Variants in OPCML observed in about 807,000 individuals in gnomAD.
The protein encoded by OPCML is opioid-binding protein/cell adhesion molecule.
OPCML carries 13 observed loss-of-function variants against 37.8 expected under a neutral mutation model. That is an observed-to-expected ratio of 0.34 (90% CI 0.22 to 0.55). The LOEUF is 0.55. OPCML is among the 20% of genes least tolerant of loss of function. The pLI is 0.91. For synonymous variants in OPCML, 176 were observed against 168.8 expected (o/e 1.04, Z -0.33); for missense variants, 341 against 435.6 (o/e 0.78, Z 1.93).
At position 133,091,489 on chromosome 11, in the gene OPCML, G is replaced by A. The variant is rs116441198; in HGVS notation, c.62-148479C>T. 2.7e-3 allele frequency among the ~76,000 whole-genome samples: 410 copies of A among 152,348 alleles called. 2 individuals carry two copies. The highest frequency in any genetic ancestry group is 9.3e-3 in the African/African-American group (385 of 41,584). ...AGTGTGGGCTATCCCCAGCAAAGCC[G>A]TGGAGGTGAGGCTTCCTGAGGCCAT... On this transcript the variant is annotated intron_variant, in intron 1 of 7. Transcript: ENST00000524381.
intron 2 of OPCML, among the ~76,000 whole-genome samples, chr11:132,729,765 G>C (rs866707902): frequency 6.6e-6 from 1 of 152,120 alleles, no homozygotes; most frequent in Non-Finnish European, 1.5e-5. Context: ...ACATCAGACC[G>C]CCTTTGTTGG....
In OPCML at chr11:132,415,921, C is replaced by A. The variant is rs924911636; in HGVS notation, c.*4272G>T. ...TCATTAGGCGTTCTCATCATATGGT[C>A]TCTTTTTGAAAATGTTGCCTTCCTA... On this transcript the variant is annotated 3_prime_UTR_variant, in exon 8 of 8. Transcript: ENST00000524381. The A allele has an allele frequency of 6.6e-6, 1 of 152,588 alleles. No individual in the cohort carries two copies. Among genetic ancestry groups the A allele is most frequent in the African/African-American group, 2.4e-5 (1 of 41,440 alleles). The allele number at this position is 152,588 out of a possible 1,614,324, so 9.5% of individuals were successfully genotyped here.
chr11:133,207,579 G>A (rs1268332008), intron 1 of OPCML, among the ~76,000 whole-genome samples: 5 of 152,166 alleles, frequency 3.3e-5, no homozygotes, highest in African/African-American at 7.2e-5. Flanking sequence ...TGAAACGGCG[G>A]CGGTTGGGCT....
At chr11:133,432,653 A>G (rs1367375636) in intron 1 of OPCML, among the ~76,000 whole-genome samples, 1 of 152,166 alleles carries the variant, frequency 6.6e-6, no homozygotes, top group Non-Finnish European at 1.5e-5. Context: ...TGGAACTTCA[A>G]TTAGGCATAT....
chr11:133,384,685 G>A (rs1225059706), intron 1 of OPCML, among the ~76,000 whole-genome samples: 1 of 152,198 alleles, frequency 6.6e-6, no homozygotes, highest in Non-Finnish European at 1.5e-5. Flanking sequence ...TCCTGCCACT[G>A]ACAGGCTGAG....
chr11:133,153,459 C>T (rs907782217), intron 1 of OPCML, among the ~76,000 whole-genome samples: 3 of 152,170 alleles, frequency 2.0e-5, no homozygotes, highest in Admixed American at 6.5e-5. Context: ...CACGGGAGGA[C>T]GGCTCTCAGA....
chr11:132,862,744 T>C (rs1942361093), intron 2 of OPCML, among the ~76,000 whole-genome samples: 1 of 152,152 alleles, frequency 6.6e-6, no homozygotes, highest in South Asian at 2.1e-4. Flanking sequence ...GCGCTAGCCT[T>C]CCCTTGCCTC....
At chr11:133,476,950 G>C (rs1272960398) in intron 1 of OPCML, among the ~76,000 whole-genome samples, 1 of 152,124 alleles carries the variant, frequency 6.6e-6, no homozygotes, top group African/African-American at 2.4e-5. Context: ...TCAGGCACTA[G>C]ACTGGGTGTG....
At chr11:133,475,212 T>G (rs183619194) in intron 1 of OPCML, among the ~76,000 whole-genome samples, 7,378 of 130,244 alleles carry the variant, frequency 0.057, 431 homozygotes, top group African/African-American at 0.22. Context: ...GTTTTTGTGG[T>G]TTTTTTTTGT....
At chr11:132,904,809 C>T (rs963398999) in intron 2 of OPCML, among the ~76,000 whole-genome samples, 5 of 152,200 alleles carry the variant, frequency 3.3e-5, no homozygotes, top group African/African-American at 7.2e-5. Flanking sequence ...GTAATTAGAG[C>T]TGTGTGTGGA....
At chr11:132,675,251 GAATT>G in intron 2 of OPCML, among the ~76,000 whole-genome samples, 1 of 150,606 alleles carries the variant, frequency 6.6e-6, no homozygotes, top group South Asian at 2.1e-4. Context: ...CTTTCATTGT[GAATT>G]TAAATAAAAA....
chr11:132,906,558 T>C (rs1944248315), intron 2 of OPCML, among the ~76,000 whole-genome samples: 1 of 152,076 alleles, frequency 6.6e-6, no homozygotes, highest in South Asian at 2.1e-4. Flanking sequence ...TTAGGGTCGT[T>C]TACCATTCAG....
chr11:133,338,445 C>T (rs922022274), intron 1 of OPCML, among the ~76,000 whole-genome samples: 2 of 152,138 alleles, frequency 1.3e-5, no homozygotes, highest in Non-Finnish European at 2.9e-5. Flanking sequence ...GGTGTGCTGG[C>T]CAGCTCTGAG....
chr11:133,262,626 A>G (rs1447494470), intron 1 of OPCML, among the ~76,000 whole-genome samples: 1 of 152,156 alleles, frequency 6.6e-6, no homozygotes, highest in East Asian at 1.9e-4. Flanking sequence ...CACTGTACCT[A>G]CTGCCTTCTT....
At chr11:132,521,496 T>C (rs1357935820) in intron 4 of OPCML, among the ~76,000 whole-genome samples, 1 of 152,088 alleles carries the variant, frequency 6.6e-6, no homozygotes, top group African/African-American at 2.4e-5. Context: ...TGCAGGGACA[T>C]GGATGAAGCT....
intron 2 of OPCML, among the ~76,000 whole-genome samples, chr11:132,766,090 C>A (rs546244035): frequency 9.1e-6 from 1 of 109,960 alleles, no homozygotes. Flanking sequence ...TGGTCCCATG[C>A]TTATAATTTA....
At chr11:133,485,285 A>G (rs1319895821) in intron 1 of OPCML, among the ~76,000 whole-genome samples, 1 of 152,234 alleles carries the variant, frequency 6.6e-6, no homozygotes, top group Non-Finnish European at 1.5e-5. Flanking sequence ...ACCCTTTCAA[A>G]ACATCAAAAT....
At chr11:132,865,117 T>A (rs1348952105) in intron 2 of OPCML, among the ~76,000 whole-genome samples, 1 of 152,230 alleles carries the variant, frequency 6.6e-6, no homozygotes, top group South Asian at 2.1e-4. Context: ...TAAAAAATAT[T>A]ATGAAATTTT....
At chr11:132,448,186 G>A (rs1592190262) in intron 4 of OPCML, among the ~76,000 whole-genome samples, 1 of 152,326 alleles carries the variant, frequency 6.6e-6, no homozygotes, top group East Asian at 1.9e-4. Flanking sequence ...AAGCCTTGAT[G>A]CAGCCTGACT....
Sources: gnomAD v4.1 joint callset for allele counts (sites outside exome capture counted in the v4.1 genomes callset) on GRCh38, gnomAD v4.1.1 for gene constraint, MANE v1.5 for transcripts, NCBI Gene and HGNC (gene_info 2026-07-23, HGNC 2026-07-21) for gene names.